The following LDB2 variants were observed in gnomAD, a reference collection of about 807,000 sequenced individuals.
LDB2 encodes LIM domain-binding protein 2.
LDB2 carries 12 observed loss-of-function variants against 44.3 expected under a neutral mutation model. That is an observed-to-expected ratio of 0.27 (90% CI 0.17 to 0.44). The LOEUF is 0.44. Ranked by LOEUF, LDB2 falls within the 20% of genes least tolerant of loss-of-function variation. LDB2 has a pLI of 1.00. For missense variants in LDB2, 344 were observed against 473.5 expected, an observed-to-expected ratio of 0.73 and a Z score of 2.54; for synonymous variants, 164 against 174.8, an observed-to-expected ratio of 0.94 and a Z score of 0.49.
intron 1 of LDB2, among the ~76,000 whole-genome samples, chr4:16,792,242 G>C (rs1775918485): frequency 6.6e-6 from 1 of 152,128 alleles, no homozygotes; most frequent in African/African-American, 2.4e-5. Context: ...TCATATTTTA[G>C]TCTGGACAAC....
chr4:16,871,986 C>T lies in LDB2; in HGVS notation c.132+26368G>A, dbSNP rs544172969. Among the ~76,000 whole-genome samples the T allele has an allele frequency of 2.6e-5, 4 of 152,232 alleles. No homozygotes were observed. The South Asian group carries it at 8.3e-4, about 32-fold the overall frequency. ...TTGGGCTATGACTATAAGAGTTCAGCAGAAATCAATGAAAGCATTTTGGGA... is the reference window on the plus strand; with the variant it reads ...TTGGGCTATGACTATAAGAGTTCAGTAGAAATCAATGAAAGCATTTTGGGA... On this transcript the variant is annotated intron_variant, in intron 1 of 7. Transcript: ENST00000304523.
In LDB2 at chr4:16,640,868, C is replaced by T. The variant is rs114523122; in HGVS notation, c.236-44993G>A. Among the ~76,000 whole-genome samples, 1,324 of 152,192 alleles carry T rather than the reference C, an allele frequency of 8.7e-3. 18 individuals carry two copies. Among genetic ancestry groups the T allele is most frequent in the African/African-American group, 0.031 (1,267 of 41,528 alleles). ...TCTAAGATTTCTATTTGAAATAGGT[C>T]CTTATTAGGAAATATTGTCATTTTT... On this transcript the variant is annotated intron_variant, in intron 2 of 7. Transcript: ENST00000304523.
intron 2 of LDB2, among the ~76,000 whole-genome samples, chr4:16,623,532 C>T (rs560961523): frequency 7.2e-5 from 11 of 152,096 alleles, no homozygotes; most frequent in South Asian, 2.1e-4. Context: ...GGGAGGCGGA[C>T]GTTGCAGTGA....
intron 1 of LDB2, among the ~76,000 whole-genome samples, chr4:16,849,830 C>T (rs1424364662): frequency 6.6e-6 from 1 of 152,162 alleles, no homozygotes; most frequent in Non-Finnish European, 1.5e-5. Context: ...AAGGCAGACA[C>T]CAGCTCTTAG....
intron 2 of LDB2, among the ~76,000 whole-genome samples, chr4:16,695,978 A>G (rs1752037475): frequency 6.6e-6 from 1 of 152,172 alleles, no homozygotes; most frequent in Non-Finnish European, 1.5e-5. Flanking sequence ...TCTGTGTCTC[A>G]TGGTTGCATA....
intron 2 of LDB2, among the ~76,000 whole-genome samples, chr4:16,716,265 T>G (rs1289657789): frequency 6.6e-6 from 1 of 151,952 alleles, no homozygotes; most frequent in African/African-American, 2.4e-5. Flanking sequence ...ATAGTGGGCC[T>G]TCAGCAAACC....
intron 7 of LDB2, 190 bp from the exon 8 acceptor site, chr4:16,503,063 T>A: frequency 6.5e-7 from 1 of 1,539,454 alleles, no homozygotes; most frequent in Non-Finnish European, 8.7e-7. Flanking sequence ...CCTCCTGATG[T>A]GTAACAACCA....
intron 1 of LDB2, among the ~76,000 whole-genome samples, chr4:16,892,544 A>G (rs1020277585): frequency 6.6e-6 from 1 of 152,208 alleles, no homozygotes; most frequent in African/African-American, 2.4e-5. Flanking sequence ...TGACACTTCA[A>G]AAAGACATTG....
At chr4:16,848,051 C>G (rs550743605) in intron 1 of LDB2, among the ~76,000 whole-genome samples, 1 of 152,100 alleles carries the variant, frequency 6.6e-6, no homozygotes, top group Non-Finnish European at 1.5e-5. Context: ...AAGCCAAATA[C>G]TTAACTGTCA....
intron 1 of LDB2, among the ~76,000 whole-genome samples, chr4:16,895,120 TAAAA>T (rs71181199): frequency 1.6e-5 from 2 of 124,674 alleles, no homozygotes; most frequent in African/African-American, 3.1e-5. Context: ...TTTTTCATGC[TAAAA>T]AAAAAAAAAA....
chr4:16,768,704 C>G (rs1769919807), intron 1 of LDB2, among the ~76,000 whole-genome samples: 1 of 152,156 alleles, frequency 6.6e-6, no homozygotes, highest in Non-Finnish European at 1.5e-5. Context: ...AAGGGTCTAT[C>G]TCGAACCATG....
intron 2 of LDB2, among the ~76,000 whole-genome samples, chr4:16,661,716 C>G (rs539920858): frequency 6.6e-6 from 1 of 152,082 alleles, no homozygotes; most frequent in Admixed American, 6.6e-5. Flanking sequence ...GACTTAGGGC[C>G]CAGGCATCAG....
At position 16,560,794 on chromosome 4, in the gene LDB2, C is replaced by T. The variant is rs1038691034; in HGVS notation, c.615+25128G>A. 3.1e-4 allele frequency among the ~76,000 whole-genome samples: 47 copies of T among 152,206 alleles called. 1 individual carries two copies. The highest frequency in any genetic ancestry group is 9.2e-4 in the African/African-American group (38 of 41,528). ...GAGAATTTTAGACCAATATCCTTGA[C>T]GAACATTAATGCAAAAAGCCTCAAT... On this transcript the variant is annotated intron_variant, in intron 5 of 7. Coordinates refer to ENST00000304523, the MANE Select transcript of LDB2 (RefSeq NM_001290.5).
chr4:16,791,477 C>A (rs145113707), intron 1 of LDB2, among the ~76,000 whole-genome samples: 1 of 133,856 alleles, frequency 7.5e-6, no homozygotes, highest in Admixed American at 8.5e-5. Flanking sequence ...ATTGCTTGAA[C>A]GGGGGAGGCG....
chr4:16,566,626 T>A (rs1255079368), intron 5 of LDB2, among the ~76,000 whole-genome samples: 1 of 152,022 alleles, frequency 6.6e-6, no homozygotes. Context: ...CTGTTACTAA[T>A]TACAAAACAT....
At chr4:16,812,601 T>TATATATATATATATATATATACAC (rs1174220204) in intron 1 of LDB2, among the ~76,000 whole-genome samples, 20 of 137,756 alleles carry the variant, frequency 1.5e-4, no homozygotes, top group African/African-American at 5.7e-4. Context: ...TATATATATA[T>TATATATATATATATATATATACAC]ATATATATAT....
At chr4:16,877,272 T>C (rs1718716214) in intron 1 of LDB2, among the ~76,000 whole-genome samples, 1 of 152,220 alleles carries the variant, frequency 6.6e-6, no homozygotes, top group African/African-American at 2.4e-5. Flanking sequence ...TATTCTAAGT[T>C]GTCTTAGTTG....
chr4:16,600,494 C>T (rs1164771935), intron 2 of LDB2, among the ~76,000 whole-genome samples: 1 of 152,016 alleles, frequency 6.6e-6, no homozygotes, highest in East Asian at 1.9e-4. Context: ...ATATACCATA[C>T]ATTATTTATC....
At chr4:16,701,372 C>T (rs933207354) in intron 2 of LDB2, among the ~76,000 whole-genome samples, 2 of 152,078 alleles carry the variant, frequency 1.3e-5, no homozygotes, top group Non-Finnish European at 2.9e-5. Flanking sequence ...ATTGAGTGTC[C>T]AAGACCTGCC....
Sources: gnomAD v4.1 joint callset for allele counts (sites outside exome capture counted in the v4.1 genomes callset) on GRCh38, gnomAD v4.1.1 for gene constraint, MANE v1.5 for transcripts, NCBI Gene and HGNC (gene_info 2026-07-23, HGNC 2026-07-21) for gene names.